Variants in GOLGB1 observed in about 807,000 individuals in gnomAD.
GOLGB1 encodes the protein golgin B1, also known as golgin subfamily B member 1.
A neutral mutation model predicts 336.9 loss-of-function variants in GOLGB1; 174 were observed. The ratio of observed to expected loss-of-function variants is 0.52; its 90% CI spans 0.46 to 0.59. The LOEUF (loss-of-function observed/expected upper bound fraction) is 0.59. Among genes scored for constraint, GOLGB1 ranks in the 20% least tolerant of loss-of-function variants. The probability of loss-of-function intolerance (pLI) is 0.00; values close to 1 mark genes in which losing one functional copy is unlikely to be tolerated. For missense variants in GOLGB1, 3,331 were observed against 3,645.3 expected (o/e 0.91, Z 2.22); for synonymous variants, 1,208 against 1,289.2 (o/e 0.94, Z 1.35).
At position 121,695,970 on chromosome 3, in the gene GOLGB1, A is replaced by G. The variant is rs1330949180; in HGVS notation, c.4553T>C (p.Ile1518Thr). Residue 1518 changes from isoleucine to threonine, a missense_variant, in exon 13 of 22, where the codon ATT becomes ACT. Transcript: ENST00000614479. Reference sequence around the variant, plus strand: ...TGCCAGAGACTTGGTGAGACGTTCAATGGTACCTCTGGCCAAAGACAATTC... The same window carrying G: ...TGCCAGAGACTTGGTGAGACGTTCAGTGGTACCTCTGGCCAAAGACAATTC... ...QEELSLARGT[I>T]ERLTKSLADV... is the part of the protein sequence containing the mutation. 9 of 1,613,962 alleles carry G rather than the reference A, an allele frequency of 5.6e-6. No homozygotes were observed. Among genetic ancestry groups the G allele is most frequent in the Middle Eastern group, 1.6e-4 (1 of 6,084 alleles).
At chr3:121,688,805 C>A (rs1942073505) in intron 14 of GOLGB1, among the ~76,000 whole-genome samples, 1 of 151,728 alleles carries the variant, frequency 6.6e-6, no homozygotes, top group African/African-American at 2.4e-5. Context: ...GCCGCCCCGT[C>A]TGGGATGTGA....
rs544491760 is a variant in GOLGB1, at chr3:121,668,288, A to G, written c.9322-130T>C. On this transcript the variant is annotated intron_variant, in intron 18 of 21. Coordinates refer to ENST00000614479, the MANE Select transcript of GOLGB1 (RefSeq NM_001366282.2). The stretch of plus-strand genomic sequence containing the variant: ...CTCAAGTCCAAATTTAGAAGTGAGA[A>G]GCTTCTGCTCTAGCAGATTACTCAC... 1.9e-4 allele frequency: 104 copies of G among 560,150 alleles called. 1 individual carries two copies. In the East Asian group the frequency reaches 3.1e-3, roughly 17 times the overall value. 34.7% of individuals were successfully genotyped at this position (560,150 alleles called of 1,614,324 possible).
chr3:121,673,703 C>CTATCTATCTATCTATCTATCTATCTATT (rs2107602024), intron 17 of GOLGB1, among the ~76,000 whole-genome samples: 1 of 151,682 alleles, frequency 6.6e-6, no homozygotes, highest in African/African-American at 2.4e-5. Context: ...ATCTATCTAT[C>CTATCTATCTATCTATCTATCTATCTATT]TATCTATCTA....
Position 121,730,877 on chromosome 3 carries a change from G to A in GOLGB1, c.95C>T (p.Pro32Leu). 6.2e-7 allele frequency: 1 copy of A among 1,608,710 alleles called. No individual in the cohort carries two copies. Among genetic ancestry groups the A allele is most frequent in the Non-Finnish European group, 8.5e-7 (1 of 1,177,400 alleles). Residue 32 changes from proline to leucine, a missense_variant and splice_region_variant, in exon 2 of 22, where the codon CCT (proline) becomes CTT (leucine). Coordinates refer to ENST00000614479, the MANE Select transcript of GOLGB1 (RefSeq NM_001366282.2). ...TTAAATCAGAACAGAACTACTCACA[G>A]GGTCTAGGGGAGCCCTCATATTCTG... ...TDQNMRAPLD[P>L]ELHQESDMEF...
chr3:121,686,421 C>A (rs1941732016), intron 14 of GOLGB1, among the ~76,000 whole-genome samples: 1 of 152,196 alleles, frequency 6.6e-6, no homozygotes, highest in Non-Finnish European at 1.5e-5. Context: ...AGCCTATCCT[C>A]TTTTTCTCCT....
At chr3:121,747,673 G>C (rs978380906) in intron 1 of GOLGB1, among the ~76,000 whole-genome samples, 1 of 151,794 alleles carries the variant, frequency 6.6e-6, no homozygotes, top group African/African-American at 2.4e-5. Flanking sequence ...AAGACAGAAG[G>C]GGGTATATAT....
intron 17 of GOLGB1, among the ~76,000 whole-genome samples, chr3:121,673,686 GCTAT>G (rs59292082): frequency 0.2 from 29,337 of 145,354 alleles, 2,949 homozygotes; most frequent in Middle Eastern, 0.26. Context: ...AAATGGGATT[GCTAT>G]CTATCTATCT....
chr3:121,687,065 G>A (rs1193601124), intron 14 of GOLGB1, among the ~76,000 whole-genome samples: 1 of 152,144 alleles, frequency 6.6e-6, no homozygotes, highest in Non-Finnish European at 1.5e-5. Context: ...TTGAGACCAG[G>A]AGTTTAAGAC....
chr3:121,673,542 C>T (rs574151628), intron 17 of GOLGB1, among the ~76,000 whole-genome samples: 4 of 152,170 alleles, frequency 2.6e-5, no homozygotes, highest in African/African-American at 9.6e-5. Context: ...GATATTAATT[C>T]TTCTAATCCA....
chr3:121,690,952 G>C lies in GOLGB1; in HGVS notation c.8412C>G (p.Ser2804Arg), dbSNP rs755504752. ...GGTTAAGTTTCTCAAGGTGAGACAA[G>C]CTATTCTCCTCAGTGGAGTTCATTG... ...AFSMNSTEEN[S>R]LSHLEKLNQQ... is the part of the protein sequence containing the mutation. Residue 2804 changes from serine (S) to arginine (R), a missense_variant, in exon 14 of 22, where the codon AGC (serine) becomes AGG (arginine). Transcript: ENST00000614479. 1 of 1,614,042 alleles carries C rather than the reference G, an allele frequency of 6.2e-7. No individual in the cohort carries two copies.
At position 121,695,215 on chromosome 3, in the gene GOLGB1, CT is replaced by C. The variant is rs1229551562; in HGVS notation, c.5307del (p.Gly1770ValfsTer9). 6.2e-7 allele frequency: 1 copy of C among 1,613,310 alleles called. No individual in the cohort carries two copies. Among genetic ancestry groups the C allele is most frequent in the Admixed American group, 1.7e-5 (1 of 59,978 alleles). Reference protein sequence around the residue: ...EEVQDLKHQIEGNVSKQANLE... With the variant: ...EEVQDLKHQIXGNVSKQANLE... ...AGGTTAGCTTGTTTAGATACATTAC[CT>C]TCTATCTGATGCTTTAAATCTTGAA... On this transcript the variant is annotated frameshift_variant, in exon 13 of 22. Transcript: ENST00000614479. LOFTEE classifies it high-confidence loss of function.
intron 10 of GOLGB1, among the ~76,000 whole-genome samples, chr3:121,704,680 G>C (rs1022142295): frequency 6.6e-6 from 1 of 150,392 alleles, no homozygotes; most frequent in African/African-American, 2.5e-5. Context: ...GGAGGCTGAG[G>C]CAGGAGAATT....
chr3:121,702,617 A>C, intron 10 of GOLGB1, 22 bp from the exon 11 acceptor site: 1 of 1,185,724 alleles, frequency 8.4e-7, no homozygotes, highest in Non-Finnish European at 1.2e-6. Context: ...AAAGACAACA[A>C]ATTAATGATT....
At chr3:121,740,898 A>G (rs1325155920) in intron 1 of GOLGB1, among the ~76,000 whole-genome samples, 1 of 152,110 alleles carries the variant, frequency 6.6e-6, no homozygotes, top group Non-Finnish European at 1.5e-5. Flanking sequence ...TCAGAATGTC[A>G]ACTCAGAATG....
At chr3:121,716,243 A>G (rs1944766702) in intron 9 of GOLGB1, among the ~76,000 whole-genome samples, 1 of 152,130 alleles carries the variant, frequency 6.6e-6, no homozygotes, top group Middle Eastern at 3.2e-3. Flanking sequence ...ACATTTTTTA[A>G]AAGTTTCCTT....
Position 121,742,487 on chromosome 3 carries a change from A to C in GOLGB1, c.-3+7145T>G, listed in dbSNP as rs570821295. ...TAATTCAAGATGGATTAAAGACTTA[A>C]ATGTTAGACCTAAAACCATAAAAAA... On this transcript the variant is annotated intron_variant, in intron 1 of 21. Coordinates refer to ENST00000614479, the MANE Select transcript of GOLGB1 (RefSeq NM_001366282.2). 1.6e-4 allele frequency among the ~76,000 whole-genome samples: 25 copies of C among 152,326 alleles called. No homozygotes were observed. In the South Asian group the frequency reaches 3.5e-3, roughly 21 times the overall value.
rs869189384 is a variant in GOLGB1, at chr3:121,727,320, ATTTTTTT to A, written c.403-286_403-280del. 8.4e-3 allele frequency among the ~76,000 whole-genome samples: 239 copies of A among 28,412 alleles called. 1 individual carries two copies. Among genetic ancestry groups the A allele is most frequent in the Middle Eastern group, 0.042 (1 of 24 alleles). 18.6% of individuals were successfully genotyped at this position (28,412 alleles called of 152,430 possible). A position where few individuals can be genotyped will look rare whatever the true frequency, so the allele number is the denominator to read the frequency against. On this transcript the variant is annotated intron_variant, in intron 4 of 21. Transcript: ENST00000614479. Reference sequence around the variant, plus strand: ...TATATATATATATATATATATATATATTTTTTTTTTTTTTTTTTTTTTTTTTTTCCCT... The same window carrying A: ...TATATATATATATATATATATATATATTTTTTTTTTTTTTTTTTTTTCCCT...
intron 4 of GOLGB1, among the ~76,000 whole-genome samples, chr3:121,727,286 AC>A (rs1328075024): frequency 1.9e-5 from 1 of 51,634 alleles, no homozygotes; most frequent in African/African-American, 5.9e-5. Flanking sequence ...ATACATACAC[AC>A]ACACACATAT....
At chr3:121,686,756 C>G (rs1004729967) in intron 14 of GOLGB1, among the ~76,000 whole-genome samples, 18 of 151,846 alleles carry the variant, frequency 1.2e-4, no homozygotes, top group Non-Finnish European at 1.5e-5. Flanking sequence ...CAGGCAATCA[C>G]GAAATGTAAG....
Sources: allele counts gnomAD v4.1 joint callset (sites outside exome capture counted in the v4.1 genomes callset), GRCh38; gene constraint gnomAD v4.1.1; transcripts MANE v1.5; gene names NCBI Gene and HGNC (gene_info 2026-07-23, HGNC 2026-07-21).